The following SFI1 variants were observed in gnomAD, a reference collection of about 807,000 sequenced individuals.
SFI1 encodes the protein SFI1 centrin binding protein.
SFI1 carries 195 observed loss-of-function variants against 207.5 expected under a neutral mutation model. The observed-to-expected ratio is 0.94, with a 90% CI of 0.84 to 1.06. SFI1 has a LOEUF of 1.06. Among genes scored for constraint, SFI1 ranks in the 50% least tolerant of loss-of-function variants. SFI1 has a pLI of 0.00. For missense variants in SFI1, 1,634 were observed against 1,588.0 expected (o/e 1.03, Z -0.49); for synonymous variants, 630 against 598.9 (o/e 1.05, Z -0.76).
At chr22:31,547,098 G>A in intron 5 of SFI1, 127 bp downstream of exon 5, 1 of 648,584 alleles carries the variant, frequency 1.5e-6, no homozygotes, top group South Asian at 2.0e-5. Flanking sequence ...AATCCTTTTT[G>A]GAGTTAGCAA....
chr22:31,501,893 C>T (rs2053839467), intron 1 of SFI1, among the ~76,000 whole-genome samples: 1 of 152,032 alleles, frequency 6.6e-6, no homozygotes, highest in Admixed American at 6.6e-5. Flanking sequence ...CTGATTTCCT[C>T]CCATGTCCCC....
intron 12 of SFI1, among the ~76,000 whole-genome samples, chr22:31,582,206 T>TA (rs1569376507): frequency 0.017 from 636 of 36,558 alleles, 65 homozygotes; most frequent in Middle Eastern, 0.043. Context: ...TTATTACATT[T>TA]TATATATATA....
intron 2 of SFI1, among the ~76,000 whole-genome samples, chr22:31,520,687 A>G (rs1042140726): frequency 5.9e-5 from 9 of 152,130 alleles, no homozygotes; most frequent in African/African-American, 2.2e-4. Context: ...AAAAATAGTC[A>G]TCTCAATCAA....
At chr22:31,503,939 A>G (rs1435163306) in intron 1 of SFI1, among the ~76,000 whole-genome samples, 1 of 151,950 alleles carries the variant, frequency 6.6e-6, no homozygotes, top group East Asian at 1.9e-4. Flanking sequence ...ACTTATAAGC[A>G]AGTTTATATT....
At chr22:31,592,411 C>T (rs2066127851) in intron 15 of SFI1, among the ~76,000 whole-genome samples, 1 of 74,082 alleles carries the variant, frequency 1.3e-5, no homozygotes, top group Non-Finnish European at 2.6e-5. Flanking sequence ...AGGGGGCTGA[C>T]CCCCCCACCT....
intron 1 of SFI1, among the ~76,000 whole-genome samples, chr22:31,504,367 A>G (rs1658804036): frequency 6.6e-6 from 1 of 152,098 alleles, no homozygotes. Context: ...GTAAGTAAGG[A>G]TTATTCGTTT....
rs1447587869 is a variant in SFI1 at position 31,618,217 on chromosome 22, G to A, written c.3615G>A (p.Glu1205=). The change falls in exon 32 of 33, where the codon GAG becomes GAA. Residue 1205 remains glutamate (E), a synonymous_variant. Transcript: ENST00000400288. Reference sequence around the variant, plus strand: ...AAGTAGAGCAGCAGGTGCAGAAAGAGCTGGAACAGGTGAGGCCCCAGGCCA... The same window carrying A: ...AAGTAGAGCAGCAGGTGCAGAAAGAACTGGAACAGGTGAGGCCCCAGGCCA... ...DQEVEQQVQK[E]LEQVEMQIQL... The A allele has an allele frequency of 6.3e-7, 1 of 1,596,176 alleles. No individual in the cohort carries two copies. The highest frequency in any genetic ancestry group is 8.5e-7 in the Non-Finnish European group (1 of 1,173,026).
At chr22:31,509,990 G>A (rs1015822831) in intron 2 of SFI1, among the ~76,000 whole-genome samples, 2 of 151,198 alleles carry the variant, frequency 1.3e-5, no homozygotes, top group Non-Finnish European at 2.9e-5. Context: ...GTACAGTCTC[G>A]GCTCACTGCA....
chr22:31,614,942 C>A, intron 28 of SFI1, 82 bp downstream of exon 28: 1 of 1,581,830 alleles, frequency 6.3e-7, no homozygotes, highest in Non-Finnish European at 8.6e-7. Flanking sequence ...CATGTGGGGC[C>A]TGTGTTTTGG....
chr22:31,579,407 C>T lies in SFI1; in HGVS notation c.1156-865C>T, dbSNP rs183784337. Among the ~76,000 whole-genome samples, 12 of 152,078 alleles carry T rather than the reference C, an allele frequency of 7.9e-5. No homozygotes were observed. In the East Asian group the frequency reaches 1.7e-3, roughly 22 times the overall value. On this transcript the variant is annotated intron_variant, in intron 11 of 32. Transcript: ENST00000400288. ...CTTGGCTCACTGCAAGCTCTGCCTCCGGGGTTCACGCCATTCTCCTGCCTC... is the reference window on the plus strand; with the variant it reads ...CTTGGCTCACTGCAAGCTCTGCCTCTGGGGTTCACGCCATTCTCCTGCCTC...
intron 14 of SFI1, 122 bp downstream of exon 14, chr22:31,585,256 G>A (rs1210723190): frequency 2.6e-5 from 20 of 760,758 alleles, no homozygotes; most frequent in Non-Finnish European, 4.1e-5. Context: ...GGAAGAGAGG[G>A]TGTTGAAAAA....
Position 31,546,809 on chromosome 22 carries a change from G to A in SFI1, c.339-52G>A, listed in dbSNP as rs1408948496. 5.6e-6 allele frequency: 7 copies of A among 1,258,556 alleles called. No homozygotes were observed. The East Asian group carries it at 1.5e-4, about 27-fold the overall frequency. The allele number at this position is 1,258,556 out of a possible 1,614,324, so 78.0% of individuals were successfully genotyped here. On this transcript the variant is annotated intron_variant, in intron 4 of 32. Transcript: ENST00000400288. ...GGCAAGAATATGTGATTTGGGAAGA[G>A]ATGTTAGCTCCAACATCATCATATA...
chr22:31,604,179 C>T (rs763671090), intron 18 of SFI1, 130 bp from the exon 19 acceptor site: 13 of 702,350 alleles, frequency 1.9e-5, no homozygotes, highest in South Asian at 8.5e-5. Context: ...CTAAGAAGCA[C>T]GTATTTATAG....
At chr22:31,541,779 C>G (rs1433593452) in intron 4 of SFI1, among the ~76,000 whole-genome samples, 3 of 144,372 alleles carry the variant, frequency 2.1e-5, no homozygotes, top group Non-Finnish European at 4.5e-5. Context: ...GTGAATAAAT[C>G]TGTTCAACAG....
intron 14 of SFI1, among the ~76,000 whole-genome samples, chr22:31,586,249 G>C (rs1015646848): frequency 6.6e-6 from 1 of 151,954 alleles, no homozygotes; most frequent in Non-Finnish European, 1.5e-5. Context: ...CCCCAGGCCA[G>C]TCCACCTCCA....
intron 7 of SFI1, chr22:31,559,497 C>T: frequency 1.9e-6 from 1 of 514,680 alleles, no homozygotes; most frequent in Non-Finnish European, 3.7e-6. Context: ...CTCTAGTGAT[C>T]CCTGAAAAGT....
intron 27 of SFI1, chr22:31,614,533 T>G (rs1432617229): frequency 1.5e-6 from 1 of 670,464 alleles, no homozygotes; most frequent in East Asian, 2.9e-5. Context: ...CCTGGCGACC[T>G]GTACACCAGC....
chr22:31,548,299 G>T (rs1329278246), intron 5 of SFI1, among the ~76,000 whole-genome samples: 1 of 151,966 alleles, frequency 6.6e-6, no homozygotes, highest in Non-Finnish European at 1.5e-5. Context: ...GCCGAGTGTG[G>T]TGGCTCACTC....
chr22:31,523,382 A>G (rs1012607063), intron 2 of SFI1, among the ~76,000 whole-genome samples: 4 of 152,240 alleles, frequency 2.6e-5, no homozygotes, highest in Non-Finnish European at 5.9e-5. Context: ...TTTAGAAATT[A>G]GAAACCACTT....
Sources: gnomAD v4.1 joint callset for allele counts (sites outside exome capture counted in the v4.1 genomes callset) on GRCh38, gnomAD v4.1.1 for gene constraint, MANE v1.5 for transcripts, NCBI Gene and HGNC (gene_info 2026-07-23, HGNC 2026-07-21) for gene names.